CNBD1: variants seen among roughly 807,000 people sequenced by gnomAD.
CNBD1 encodes cyclic nucleotide binding domain containing 1, also known as cyclic nucleotide-binding domain-containing protein 1.
A neutral mutation model predicts 54.4 loss-of-function variants in CNBD1; 71 were observed. The ratio of observed to expected loss-of-function variants is 1.30; its 90% confidence interval spans 1.08 to 1.59. CNBD1 has a LOEUF of 1.59. Ranked by LOEUF, CNBD1 falls within the 40% of genes most tolerant of loss-of-function variation. The pLI is 0.00. For missense variants in CNBD1, 659 were observed against 518.0 expected, an observed-to-expected ratio of 1.27 and a Z score of -2.64; for synonymous variants, 182 against 170.7, an observed-to-expected ratio of 1.07 and a Z score of -0.51.
intron 4 of CNBD1, among the ~76,000 whole-genome samples, chr8:87,183,056 G>T (rs1813390597): frequency 6.6e-6 from 1 of 152,026 alleles, no homozygotes; most frequent in Non-Finnish European, 1.5e-5. Context: ...GTCTTTAATT[G>T]ATTTTGAGTT....
At chr8:87,197,379 C>G (rs555265510) in intron 4 of CNBD1, among the ~76,000 whole-genome samples, 1 of 152,266 alleles carries the variant, frequency 6.6e-6, no homozygotes, top group Non-Finnish European at 1.5e-5. Flanking sequence ...TTTTATTTAT[C>G]CTCCCAAGGA....
chr8:87,025,791 C>A lies in CNBD1; in HGVS notation c.431+86037C>A, dbSNP rs138707238. ...ACGAACCCACCGGAAGGAAGAAACT[C>A]CGGACACACCATCTTTAAGAACTGT... On this transcript the variant is annotated intron_variant, in intron 4 of 10. Coordinates refer to ENST00000518476, the MANE Select transcript of CNBD1 (RefSeq NM_173538.3). Among the ~76,000 whole-genome samples the A allele has an allele frequency of 5.2e-3, 788 of 152,252 alleles. 9 individuals are homozygous for A. Among genetic ancestry groups the A allele is most frequent in the African/African-American group, 0.018 (741 of 41,542 alleles).
intron 8 of CNBD1, among the ~76,000 whole-genome samples, chr8:87,300,205 A>T (rs1019552165): frequency 6.6e-6 from 1 of 152,172 alleles, no homozygotes. Flanking sequence ...AAATATTTTC[A>T]AATTGATTTT....
At chr8:87,294,247 A>T (rs1273419667) in intron 8 of CNBD1, among the ~76,000 whole-genome samples, 1 of 151,948 alleles carries the variant, frequency 6.6e-6, no homozygotes, top group Non-Finnish European at 1.5e-5. Context: ...TGTTTTCATT[A>T]TTTGGGAGTA....
chr8:86,917,449 T>C (rs2131821122), intron 3 of CNBD1, among the ~76,000 whole-genome samples: 1 of 152,330 alleles, frequency 6.6e-6, no homozygotes, highest in Middle Eastern at 3.4e-3. Flanking sequence ...AGATGTCTTG[T>C]GATCTACCTC....
chr8:87,291,356 T>C (rs986340001), intron 8 of CNBD1, among the ~76,000 whole-genome samples: 35 of 152,182 alleles, frequency 2.3e-4, no homozygotes, highest in African/African-American at 3.9e-4. Flanking sequence ...GATAATGTTT[T>C]CTGGACCAAT....
intron 4 of CNBD1, among the ~76,000 whole-genome samples, chr8:87,013,126 G>C (rs1809260236): frequency 1.3e-5 from 2 of 152,162 alleles, no homozygotes; most frequent in Non-Finnish European, 2.9e-5. Context: ...TACAAGCAGG[G>C]GCCCATTGAA....
intron 4 of CNBD1, among the ~76,000 whole-genome samples, chr8:87,061,169 G>GA (rs1189672873): frequency 2.6e-5 from 4 of 152,158 alleles, no homozygotes; most frequent in African/African-American, 7.2e-5. Flanking sequence ...TGTACCATTG[G>GA]AAAAAATTCT....
At chr8:86,984,470 A>G (rs1016202674) in intron 4 of CNBD1, among the ~76,000 whole-genome samples, 2 of 152,066 alleles carry the variant, frequency 1.3e-5, no homozygotes, top group Non-Finnish European at 2.9e-5. Flanking sequence ...ATCCACCAAC[A>G]TCTTGCACTG....
intron 1 of CNBD1, among the ~76,000 whole-genome samples, chr8:86,882,005 T>C (rs1808612638): frequency 6.6e-6 from 1 of 152,134 alleles, no homozygotes; most frequent in South Asian, 2.1e-4. Flanking sequence ...AGTGGACCCC[T>C]TTTTTACACT....
chr8:87,388,739 T>G (rs1811246041), intron 2 of CNBD1, among the ~76,000 whole-genome samples: 1 of 152,208 alleles, frequency 6.6e-6, no homozygotes, highest in Non-Finnish European at 1.5e-5. Context: ...GAATCCTCCC[T>G]AACTCATTTT....
At chr8:87,304,875 C>T (rs1809108721) in intron 8 of CNBD1, among the ~76,000 whole-genome samples, 1 of 152,004 alleles carries the variant, frequency 6.6e-6, no homozygotes, top group Admixed American at 6.6e-5. Flanking sequence ...CCACTCCCAC[C>T]ACTCCTCTTC....
At chr8:87,391,261 T>TA (rs200634539) in intron 2 of CNBD1, among the ~76,000 whole-genome samples, 2 of 151,474 alleles carry the variant, frequency 1.3e-5, no homozygotes, top group Admixed American at 6.6e-5. Flanking sequence ...AAATTTCAAA[T>TA]AAAAAAAAGA....
At chr8:87,335,210 T>C (rs1195337808) in intron 8 of CNBD1, among the ~76,000 whole-genome samples, 5 of 152,188 alleles carry the variant, frequency 3.3e-5, no homozygotes, top group African/African-American at 1.2e-4. Context: ...TCTGTAGGTA[T>C]CTATTAGGTC....
intron 3 of CNBD1, among the ~76,000 whole-genome samples, chr8:86,919,217 C>T (rs185794026): frequency 1.3e-5 from 2 of 152,160 alleles, no homozygotes; most frequent in East Asian, 3.9e-4. Flanking sequence ...TCCAGAAATA[C>T]ATATTGTGGA....
intron 2 of CNBD1, among the ~76,000 whole-genome samples, chr8:86,902,416 C>T (rs901320068): frequency 2.0e-5 from 3 of 152,078 alleles, no homozygotes; most frequent in African/African-American, 7.2e-5. Flanking sequence ...CACTGAACTT[C>T]TTTTAATACA....
At chr8:86,932,579 C>G (rs1809475429) in intron 3 of CNBD1, among the ~76,000 whole-genome samples, 1 of 152,154 alleles carries the variant, frequency 6.6e-6, no homozygotes, top group African/African-American at 2.4e-5. Flanking sequence ...GTATTTCACT[C>G]CATTTGCCTT....
intron 2 of CNBD1, among the ~76,000 whole-genome samples, chr8:86,890,888 A>G (rs150649800): frequency 1.3e-5 from 2 of 151,594 alleles, no homozygotes; most frequent in Admixed American, 1.3e-4. Flanking sequence ...TTGGCTATAC[A>G]TATGTCTTCT....
At chr8:87,179,945 G>A (rs1813278161) in intron 4 of CNBD1, among the ~76,000 whole-genome samples, 1 of 152,252 alleles carries the variant, frequency 6.6e-6, no homozygotes, top group African/African-American at 2.4e-5. Context: ...TCCCAGGAGG[G>A]CTAATTTGGA....
Sources: gnomAD v4.1 joint callset for allele counts (sites outside exome capture counted in the v4.1 genomes callset) on GRCh38, gnomAD v4.1.1 for gene constraint, MANE v1.5 for transcripts, NCBI Gene and HGNC (gene_info 2026-07-23, HGNC 2026-07-21) for gene names.